Variants in AKNA observed in about 807,000 individuals in gnomAD.
The protein encoded by AKNA is microtubule organization protein AKNA.
A neutral mutation model predicts 138.8 loss-of-function variants in AKNA; 67 were observed. The ratio of observed to expected loss-of-function variants is 0.48; its 90% CI spans 0.40 to 0.59. AKNA has a LOEUF of 0.59. Among genes scored for constraint, AKNA ranks in the 20% least tolerant of loss-of-function variants. The probability of loss-of-function intolerance (pLI) is 0.00; values close to 1 mark genes in which losing one functional copy is unlikely to be tolerated. For missense variants in AKNA, 1,813 were observed against 1,880.4 expected, an observed-to-expected ratio of 0.96 and a Z score of 0.66; for synonymous variants, 737 against 754.4, an observed-to-expected ratio of 0.98 and a Z score of 0.38.
chr9:114,349,366 GAGTC>G (rs1017236349), intron 15 of AKNA, among the ~76,000 whole-genome samples: 1 of 152,166 alleles, frequency 6.6e-6, no homozygotes, highest in Admixed American at 6.5e-5. Context: ...ACAGAACTCT[GAGTC>G]ACTCTAGATC....
At chr9:114,343,932 C>A in intron 18 of AKNA, 129 bp from the exon 19 acceptor site, 1 of 800,044 alleles carries the variant, frequency 1.2e-6, no homozygotes, top group East Asian at 2.7e-5. Context: ...CTCACGTGTG[C>A]ACACGGTGAG....
At chr9:114,390,884 C>T (rs1369548803), upstream of AKNA, among the ~76,000 whole-genome samples, 4 of 152,250 alleles carry the variant, frequency 2.6e-5, no homozygotes, top group African/African-American at 9.6e-5. Context: ...TCCTTGGGGA[C>T]TCCCCATTTG....
intron 20 of AKNA, 74 bp from the exon 21 acceptor site, chr9:114,341,799 C>T: frequency 6.8e-7 from 1 of 1,469,532 alleles, no homozygotes; most frequent in Non-Finnish European, 9.1e-7. Flanking sequence ...GGAGGGTCCA[C>T]CCAGCCCTTC....
intron 1 of AKNA, among the ~76,000 whole-genome samples, chr9:114,393,899 G>A (rs918375241): frequency 5.3e-5 from 8 of 152,126 alleles, no homozygotes; most frequent in Non-Finnish European, 1.0e-4. Context: ...CAGGCCATGC[G>A]CCGTGGCTCA....
upstream of AKNA, chr9:114,388,042 G>T (rs951637245): frequency 3.7e-6 from 1 of 271,312 alleles, no homozygotes; most frequent in African/African-American, 2.2e-5. Flanking sequence ...CGCCCCTGCC[G>T]TGGTTGAGGC....
intron 21 of AKNA, among the ~76,000 whole-genome samples, chr9:114,339,487 T>C (rs1262204277): frequency 6.6e-6 from 1 of 152,174 alleles, no homozygotes; most frequent in African/African-American, 2.4e-5. Context: ...GCACAACCCA[T>C]TTCGCAGAGA....
Position 114,357,900 on chromosome 9 carries a change from TTC to T in AKNA, c.2739+19_2739+20del. ...GAATGACCCTGAGGTTCTGGGCCCA[TTC>T]CCCCATGTGGAGACTTACCTCCAGG... On this transcript the variant is annotated intron_variant, in intron 12 of 21. Transcript: ENST00000374088. 1 of 1,593,676 alleles carries T rather than the reference TTC, an allele frequency of 6.3e-7. No individual in the cohort carries two copies. Among genetic ancestry groups the T allele is most frequent in the Non-Finnish European group, 8.5e-7 (1 of 1,174,610 alleles).
chr9:114,363,429 A>AT (rs1165822836), intron 7 of AKNA, among the ~76,000 whole-genome samples: 3 of 152,188 alleles, frequency 2.0e-5, no homozygotes, highest in Admixed American at 2.0e-4. Context: ...TTCCCTGTAT[A>AT]TGGGGGGATT....
chr9:114,356,142 G>A lies in AKNA; in HGVS notation c.2847-6C>T. 1 of 1,609,664 alleles carries A rather than the reference G, an allele frequency of 6.2e-7. No individual in the cohort carries two copies. The highest frequency in any genetic ancestry group is 8.5e-7 in the Non-Finnish European group (1 of 1,177,248). ...GGGCTAATGTTCCTGCTGTGCTGGGGGACCGTGGAGGAAGGGACACACAGG... is the reference window on the plus strand; with the variant it reads ...GGGCTAATGTTCCTGCTGTGCTGGGAGACCGTGGAGGAAGGGACACACAGG... On this transcript the variant is annotated splice_polypyrimidine_tract_variant and splice_region_variant and intron_variant, in intron 13 of 21. Coordinates refer to ENST00000374088, the MANE Select transcript of AKNA (RefSeq NM_001317950.2).
chr9:114,344,592 G>A (rs1005379385), intron 18 of AKNA: 3 of 152,188 alleles, frequency 2.0e-5, no homozygotes, highest in Non-Finnish European at 4.4e-5. Context: ...TTCCCGACGC[G>A]ACAGATGAGG....
chr9:114,387,342 C>T (rs1025936164), intron 1 of AKNA, among the ~76,000 whole-genome samples: 2 of 152,200 alleles, frequency 1.3e-5, no homozygotes, highest in African/African-American at 4.8e-5. Context: ...GAAACGGTGC[C>T]CTGGCTGTTG....
intron 8 of AKNA, 100 bp downstream of exon 8, chr9:114,362,306 G>C (rs896353341): frequency 1.0e-5 from 15 of 1,430,010 alleles, no homozygotes; most frequent in Non-Finnish European, 1.0e-5. Context: ...TCTATTCCCC[G>C]TGTACAAATT....
chr9:114,377,699 C>T (rs1833346598), intron 2 of AKNA, 167 bp from the exon 3 acceptor site: 1 of 713,048 alleles, frequency 1.4e-6, no homozygotes, highest in Non-Finnish European at 2.2e-6. Context: ...GATACCTGAT[C>T]TGATTATCTC....
chr9:114,363,396 C>A (rs1390379441), intron 7 of AKNA, among the ~76,000 whole-genome samples: 8 of 152,248 alleles, frequency 5.3e-5, no homozygotes, highest in Non-Finnish European at 5.9e-5. Context: ...CTGGTCACAT[C>A]TAATCTTCTG....
intron 1 of AKNA, among the ~76,000 whole-genome samples, chr9:114,386,887 C>T (rs768623053): frequency 6.6e-6 from 1 of 152,094 alleles, no homozygotes. Flanking sequence ...CTACGCAGCC[C>T]GCACAGCCTC....
At chr9:114,380,325 C>T (rs1322592272) in intron 2 of AKNA, among the ~76,000 whole-genome samples, 1 of 152,094 alleles carries the variant, frequency 6.6e-6, no homozygotes, top group Non-Finnish European at 1.5e-5. Flanking sequence ...AGGAGACTGG[C>T]CAATTAACCA....
chr9:114,349,205 G>C (rs192602319), intron 15 of AKNA, among the ~76,000 whole-genome samples: 1 of 152,310 alleles, frequency 6.6e-6, no homozygotes, highest in African/African-American at 2.4e-5. Context: ...ACCAGGCCGG[G>C]GGCGTGAGTC....
intron 12 of AKNA, 66 bp downstream of exon 12, chr9:114,357,855 A>G (rs538551647): frequency 6.4e-7 from 1 of 1,571,812 alleles, no homozygotes; most frequent in East Asian, 2.3e-5. Flanking sequence ...ACCCAGAAGC[A>G]GAAAGTTGAG....
At chr9:114,398,398 G>A (rs1834604515), upstream of AKNA, 3 of 152,154 alleles carry the variant, frequency 2.0e-5, no homozygotes, top group Admixed American at 2.0e-4. The surrounding 1 kb of genome is among the most constrained non-coding windows in gnomAD (Gnocchi z 4.2). Flanking sequence ...CGAGGGACAG[G>A]GACCACCCCG....
Sources: gnomAD v4.1 joint callset for allele counts (sites outside exome capture counted in the v4.1 genomes callset) on GRCh38, gnomAD v4.1.1 for gene constraint, Gnocchi (gnomAD v3.1) non-coding constraint, MANE v1.5 for transcripts, NCBI Gene and HGNC (gene_info 2026-07-23, HGNC 2026-07-21) for gene names.